MICAL1: variants seen among roughly 807,000 people sequenced by gnomAD.
The protein encoded by MICAL1 is microtubule associated monooxygenase, calponin and LIM domain containing 1.
MICAL1 carries 95 observed loss-of-function variants against 131.8 expected under a neutral mutation model. The ratio of observed to expected loss-of-function variants is 0.72; its 90% CI spans 0.61 to 0.86. The LOEUF is 0.86. MICAL1 is among the 40% of genes least tolerant of loss of function. The pLI, the probability that MICAL1 is intolerant of heterozygous loss-of-function variation, is 0.00. For missense variants in MICAL1, 1,292 were observed against 1,380.6 expected, an observed-to-expected ratio of 0.94 and a Z score of 1.02; for synonymous variants, 546 against 554.2, an observed-to-expected ratio of 0.99 and a Z score of 0.21.
chr6:109,444,485 T>C, intron 24 of MICAL1, 146 bp from the exon 25 acceptor site: 1 of 1,224,448 alleles, frequency 8.2e-7, no homozygotes, highest in East Asian at 2.5e-5. Flanking sequence ...CACCAGTGGT[T>C]TTCTAGCACT....
intron 11 of MICAL1, chr6:109,449,113 A>G (rs1775389480): frequency 4.5e-6 from 3 of 667,276 alleles, no homozygotes; most frequent in Non-Finnish European, 7.7e-6. Flanking sequence ...AACTGGCCAC[A>G]TAGAGGGCAG....
rs998496364 is a variant in MICAL1, at chr6:109,447,856, C to G, written c.1944+19G>C. The G allele has an allele frequency of 6.2e-7, 1 of 1,612,890 alleles. No homozygotes were observed. Among genetic ancestry groups the G allele is most frequent in the Admixed American group, 1.7e-5 (1 of 59,968 alleles). On this transcript the variant is annotated intron_variant, in intron 14 of 24. Coordinates refer to ENST00000358807, the MANE Select transcript of MICAL1 (RefSeq NM_022765.4). ...CCCACTCCTCCCTGCTCAGCTCCAG[C>G]CCTGCCTAAACTCTCCACCTTGGCC...
upstream of MICAL1, among the ~76,000 whole-genome samples, chr6:109,457,314 C>G (rs1282071475): frequency 2.0e-5 from 3 of 152,024 alleles, no homozygotes; most frequent in African/African-American, 7.3e-5. Context: ...ATGAATTTGC[C>G]GAATATCAGA....
At chr6:109,465,740 C>G in exon 1 of MICAL1, 3 of 1,611,450 alleles carry the variant, frequency 1.9e-6, no homozygotes, top group Non-Finnish European at 2.5e-6. Context: ...ACAGCTCTCA[C>G]AGAAGCATCT....
In MICAL1 at chr6:109,453,953, A is replaced by G. The variant is rs1775646236; in HGVS notation, c.244T>C (p.Cys82Arg). The change falls in exon 2 of 25, where the codon TGC (cysteine) becomes CGC (arginine). Residue 82 changes from cysteine to arginine, a missense_variant. By Grantham distance (180) the Cys-to-Arg change is radical. Coordinates refer to ENST00000358807, the MANE Select transcript of MICAL1 (RefSeq NM_022765.4). ...GQPVYQQGRA[C>R]TSTKCLVVGA... Reference sequence around the variant, plus strand: ...CGTGTATCCACCTTGGTGCTGGTGCAGGCCCGGCCCTGCTGGTAGACAGGC... The same window carrying G: ...CGTGTATCCACCTTGGTGCTGGTGCGGGCCCGGCCCTGCTGGTAGACAGGC... 1.9e-6 allele frequency: 3 copies of G among 1,613,548 alleles called. No homozygotes were observed. The highest frequency in any genetic ancestry group is 2.5e-6 in the Non-Finnish European group (3 of 1,179,794).
At chr6:109,446,455 A>T in intron 18 of MICAL1, 43 bp from the exon 19 acceptor site, 1 of 631,516 alleles carries the variant, frequency 1.6e-6, no homozygotes, top group Non-Finnish European at 2.1e-6. Flanking sequence ...GGGTGAGGCC[A>T]CCCCTTCGGA....
intron 15 of MICAL1, 106 bp from the exon 16 acceptor site, chr6:109,447,546 G>A: frequency 6.6e-7 from 1 of 1,519,948 alleles, no homozygotes; most frequent in Non-Finnish European, 9.1e-7. Flanking sequence ...AGTGAGACTA[G>A]GCAGGGAGGC....
At chr6:109,465,937 G>GA in exon 1 of MICAL1, 1 of 1,614,210 alleles carries the variant, frequency 6.2e-7, no homozygotes, top group Non-Finnish European at 8.5e-7. Context: ...AGCTGCAGGT[G>GA]CTGAGCTGGA....
upstream of MICAL1, among the ~76,000 whole-genome samples, chr6:109,456,357 G>A (rs752883638): frequency 6.6e-6 from 1 of 152,214 alleles, no homozygotes; most frequent in Non-Finnish European, 1.5e-5. Flanking sequence ...TCCACGGCCC[G>A]GGCGCCCCAG....
chr6:109,465,699 T>C, exon 1 of MICAL1: 1 of 1,603,526 alleles, frequency 6.2e-7, no homozygotes. Context: ...GCTACCTGGA[T>C]GGAGGGCATT....
At chr6:109,464,731 AG>A (rs1775991624) in intron 1 of MICAL1, 2 of 152,202 alleles carry the variant, frequency 1.3e-5, no homozygotes, top group Non-Finnish European at 2.9e-5. Context: ...GCTTGAGCCC[AG>A]GAATTCGAGG....
chr6:109,448,527 T>C lies in MICAL1; in HGVS notation c.1665-134A>G, dbSNP rs1317130714. The C allele has an allele frequency of 3.9e-6, 5 of 1,269,154 alleles. No individual in the cohort carries two copies. The East Asian group carries it at 9.3e-5, about 24-fold the overall frequency. The allele number at this position is 1,269,154 out of a possible 1,614,324, so 78.6% of individuals were successfully genotyped here. On this transcript the variant is annotated intron_variant, in intron 12 of 24. Transcript: ENST00000358807. ...AAGGCTTGAAGGTAGGTGTGTAGTC[T>C]CTGCTACCCAGTGCCCAACCCAGTG...
At chr6:109,452,849 G>C (rs747996852) in intron 4 of MICAL1, among the ~76,000 whole-genome samples, 1 of 152,124 alleles carries the variant, frequency 6.6e-6, no homozygotes, top group Non-Finnish European at 1.5e-5. Flanking sequence ...CTTGCCCAAG[G>C]CCACACTATT....
rs1435080183 is a variant in MICAL1, at chr6:109,449,667, G to A, written c.1424C>T (p.Thr475Ile). 10 of 1,581,252 alleles carry A rather than the reference G, an allele frequency of 6.3e-6. No homozygotes were observed. Among genetic ancestry groups the A allele is most frequent in the Non-Finnish European group, 8.6e-6 (10 of 1,163,806 alleles). The change falls in exon 10 of 25, where the codon ACC becomes ATC. Residue 475 changes from threonine (T) to isoleucine (I), a missense_variant. By Grantham distance (89) the Thr-to-Ile change is moderately conservative. Transcript: ENST00000358807. ...RYPNLNLRAV[T>I]PNQVRDLYDV... ...TGTCGGGGGTCTGACCTGATTGGGGGTCACTGCCCGGAGGTTCAGGTTGGG... is the reference window on the plus strand; with the variant it reads ...TGTCGGGGGTCTGACCTGATTGGGGATCACTGCCCGGAGGTTCAGGTTGGG...
At chr6:109,452,187 G>A (rs748888867) in intron 6 of MICAL1, 59 bp downstream of exon 6, 5 of 1,561,264 alleles carry the variant, frequency 3.2e-6, no homozygotes, top group Non-Finnish European at 3.5e-6. Context: ...GAAGGGAGAG[G>A]CAGGAGCCAG....
chr6:109,444,547 G>A (rs1775119652), intron 24 of MICAL1, among the ~76,000 whole-genome samples, 178 bp downstream of exon 24: 1 of 152,182 alleles, frequency 6.6e-6, no homozygotes, highest in East Asian at 1.9e-4. Context: ...AGCCAACTGT[G>A]CAGCTCTGAT....
upstream of MICAL1, among the ~76,000 whole-genome samples, chr6:109,460,044 CA>C (rs1320111192): frequency 6.6e-6 from 1 of 152,052 alleles, no homozygotes; most frequent in Non-Finnish European, 1.5e-5. Flanking sequence ...GACCCCTGCT[CA>C]AATTTTTTCC....
rs765050322 is a variant in MICAL1, at chr6:109,452,342, T to C, written c.736A>G (p.Asn246Asp). ...TGTGTCTCCTCCACGGTGCGTCCATTCACAAAGTTGGCTGTGATGCCAATG... is the reference window on the plus strand; with the variant it reads ...TGTGTCTCCTCCACGGTGCGTCCATCCACAAAGTTGGCTGTGATGCCAATG... ...LAIGITANFV[N>D]GRTVEETQVP... Residue 246 changes from asparagine (N) to aspartate (D), a missense_variant, in exon 6 of 25, where the codon AAT (asparagine) becomes GAT (aspartate). Physicochemically the swap from Asn to Asp is conservative, Grantham distance 23. Transcript: ENST00000358807. 3.7e-6 allele frequency: 6 copies of C among 1,614,180 alleles called. No individual in the cohort carries two copies. Among genetic ancestry groups the C allele is most frequent in the Non-Finnish European group, 5.1e-6 (6 of 1,180,030 alleles).
chr6:109,446,431 G>GGT lies in MICAL1; in HGVS notation c.2305-20_2305-19insAC. 1 of 1,610,440 alleles carries GGT rather than the reference G, an allele frequency of 6.2e-7. No homozygotes were observed. The highest frequency in any genetic ancestry group is 8.5e-7 in the Non-Finnish European group (1 of 1,177,684). On this transcript the variant is annotated intron_variant, in intron 18 of 24. Coordinates refer to ENST00000358807, the MANE Select transcript of MICAL1 (RefSeq NM_022765.4). ...GGAGCTCCTGGAAAAGCCACCATGT[G>GGT]GAGTGAGGTCGGGGGGTGAGGCCAC...
Sources: allele counts gnomAD v4.1 joint callset (sites outside exome capture counted in the v4.1 genomes callset), GRCh38; gene constraint gnomAD v4.1.1; transcripts MANE v1.5; gene names NCBI Gene and HGNC (gene_info 2026-07-23, HGNC 2026-07-21).